The following XRCC1 variants were observed in gnomAD, a reference collection of about 807,000 sequenced individuals.
The protein encoded by XRCC1 is DNA repair protein XRCC1.
A neutral mutation model predicts 83.3 loss-of-function variants in XRCC1; 52 were observed. The observed-to-expected ratio is 0.62, with a 90% CI of 0.50 to 0.79. The LOEUF (loss-of-function observed/expected upper bound fraction) is 0.79. Ranked by LOEUF, XRCC1 falls within the 30% of genes least tolerant of loss-of-function variation. The pLI, the probability that XRCC1 is intolerant of heterozygous loss-of-function variation, is 0.00. For synonymous variants in XRCC1, 281 were observed against 312.6 expected (o/e 0.90, Z 1.07); for missense variants, 793 against 823.5 (o/e 0.96, Z 0.45).
At position 43,553,754 on chromosome 19, in the gene XRCC1, C is replaced by T. The variant is rs1050297397; in HGVS notation, c.415-71G>A. ...AGGCCAGGGCCCAAGACCCTTTTCA[C>T]TCAGGGAAACCTCTTCCTGGCTCCT... is the stretch of plus-strand genomic sequence containing the variant. On this transcript the variant is annotated intron_variant, in intron 4 of 16. Transcript: ENST00000262887. The T allele has an allele frequency of 1.8e-5, 24 of 1,310,564 alleles. No individual in the cohort carries two copies. The African/African-American group carries it at 2.8e-4, about 15-fold the overall frequency. 81.2% of individuals were successfully genotyped at this position (1,310,564 alleles called of 1,614,324 possible).
intron 10 of XRCC1, among the ~76,000 whole-genome samples, chr19:43,548,779 A>AAAAAAAAAAAAAAAAAAAAAAAC (rs1213062759): frequency 8.5e-5 from 12 of 141,732 alleles, no homozygotes; most frequent in South Asian, 2.4e-4. Flanking sequence ...AAAAAAAAAA[A>AAAAAAAAAAAAAAAAAAAAAAAC]AAAAAAACAC....
chr19:43,562,708 G>A (rs1972712753), intron 2 of XRCC1, among the ~76,000 whole-genome samples: 1 of 152,076 alleles, frequency 6.6e-6, no homozygotes, highest in Non-Finnish European at 1.5e-5. Flanking sequence ...TCGCATCACT[G>A]TACTCTGGGC....
Position 43,555,701 on chromosome 19 carries a change from C to G in XRCC1, c.256-897G>C, listed in dbSNP as rs190006585. Among the ~76,000 whole-genome samples the G allele has an allele frequency of 3.9e-5, 6 of 152,228 alleles. No homozygotes were observed. The South Asian group carries it at 1.0e-3, about 26-fold the overall frequency. On this transcript the variant is annotated intron_variant, in intron 3 of 16. Coordinates refer to ENST00000262887, the MANE Select transcript of XRCC1 (RefSeq NM_006297.3). ...CCCTGGGAGTGGTAGCTACTCCCTGCGGTTGCTTCTCCCTCATATCTTAGT... is the reference window on the plus strand; with the variant it reads ...CCCTGGGAGTGGTAGCTACTCCCTGGGGTTGCTTCTCCCTCATATCTTAGT...
At chr19:43,574,173 T>G (rs1316552227) in intron 2 of XRCC1, among the ~76,000 whole-genome samples, 2 of 151,934 alleles carry the variant, frequency 1.3e-5, no homozygotes, top group Non-Finnish European at 2.9e-5. Flanking sequence ...TCTCCTGGGC[T>G]CAAGCAATTC....
intron 2 of XRCC1, among the ~76,000 whole-genome samples, chr19:43,562,401 C>G (rs1271040455): frequency 6.6e-6 from 1 of 151,950 alleles, no homozygotes; most frequent in East Asian, 1.9e-4. Flanking sequence ...TTCAACGTCT[C>G]TGTGAGGCAG....
chr19:43,568,831 C>G (rs991296507), intron 2 of XRCC1, among the ~76,000 whole-genome samples: 1 of 150,540 alleles, frequency 6.6e-6, no homozygotes, highest in African/African-American at 2.4e-5. Context: ...TAGTGTATAC[C>G]CTTTTGCACC....
intron 2 of XRCC1, among the ~76,000 whole-genome samples, chr19:43,565,313 G>T (rs1039905979): frequency 1.3e-5 from 2 of 152,176 alleles, no homozygotes; most frequent in Non-Finnish European, 2.9e-5. Flanking sequence ...AAATAGAAGG[G>T]TCTGTTACGA....
intron 10 of XRCC1, among the ~76,000 whole-genome samples, chr19:43,549,510 C>T (rs1452786349): frequency 6.6e-6 from 1 of 152,182 alleles, no homozygotes; most frequent in Non-Finnish European, 1.5e-5. Flanking sequence ...ATCTGCCCAC[C>T]TTGGCCTCCC....
At chr19:43,552,719 A>T in intron 8 of XRCC1, 78 bp downstream of exon 8, 1 of 1,358,562 alleles carries the variant, frequency 7.4e-7, no homozygotes. Flanking sequence ...CAGATTCAGG[A>T]CAGCAGGCTC....
chr19:43,562,846 T>C (rs1454680695), intron 2 of XRCC1, among the ~76,000 whole-genome samples: 4 of 152,352 alleles, frequency 2.6e-5, no homozygotes, highest in South Asian at 2.1e-4. Context: ...GCGCTCCTGG[T>C]GTGCCAGACT....
intron 1 of XRCC1, 98 bp from the exon 2 acceptor site, chr19:43,575,100 G>T: frequency 1.0e-6 from 1 of 998,940 alleles, no homozygotes; most frequent in Non-Finnish European, 1.6e-6. Context: ...AGGCCTCTAC[G>T]ACCCCCAGAT....
intron 6 of XRCC1, 109 bp downstream of exon 6, chr19:43,553,292 A>G: frequency 7.7e-7 from 1 of 1,303,468 alleles, no homozygotes; most frequent in Non-Finnish European, 1.1e-6. Flanking sequence ...GGACTCCACT[A>G]CCCTCCTCCC....
rs117243650 is a variant in XRCC1, at chr19:43,559,516, A to G, written c.255+1394T>C. On this transcript the variant is annotated intron_variant, in intron 3 of 16. Transcript: ENST00000262887. ...AAAAAAAAAAAAAGATACAGAAAAA[A>G]TAAACCTTATCCCCTGCTTCACACA... 9.0e-3 allele frequency among the ~76,000 whole-genome samples: 1,369 copies of G among 151,448 alleles called. 7 individuals are homozygous for G. Among genetic ancestry groups the G allele is most frequent in the Non-Finnish European group, 0.015 (1,000 of 67,850 alleles).
chr19:43,550,151 T>A (rs1972560657), intron 10 of XRCC1, among the ~76,000 whole-genome samples: 1 of 152,156 alleles, frequency 6.6e-6, no homozygotes, highest in African/African-American at 2.4e-5. Flanking sequence ...GAATTTTGAA[T>A]CTTTCAGGTT....
At chr19:43,569,259 G>C (rs1249911999) in intron 2 of XRCC1, among the ~76,000 whole-genome samples, 1 of 152,076 alleles carries the variant, frequency 6.6e-6, no homozygotes, top group East Asian at 1.9e-4. Flanking sequence ...GAATGCTTGA[G>C]TCCAGGAGTT....
intron 10 of XRCC1, among the ~76,000 whole-genome samples, chr19:43,548,516 G>A (rs1859263707): frequency 6.6e-6 from 1 of 152,086 alleles, no homozygotes; most frequent in South Asian, 2.1e-4. Context: ...GTCCACTCAG[G>A]GTTAAATGGA....
At chr19:43,557,307 C>CAAAAAA (rs33984597) in intron 3 of XRCC1, among the ~76,000 whole-genome samples, 3 of 77,864 alleles carry the variant, frequency 3.9e-5, no homozygotes, top group Non-Finnish European at 7.0e-5. Context: ...GACTCCGTCT[C>CAAAAAA]AAAAAAAAAA....
rs1402710430 is a variant in XRCC1 at position 43,575,484 on chromosome 19, C to G, written c.-26G>C. 1.2e-6 allele frequency: 2 copies of G among 1,611,310 alleles called. No individual in the cohort carries two copies. The highest frequency in any genetic ancestry group is 1.7e-6 in the Non-Finnish European group (2 of 1,178,150). On this transcript the variant is annotated 5_prime_UTR_variant, in exon 1 of 17. Transcript: ENST00000262887. Reference sequence around the variant, plus strand: ...GTCAACGTCGTGGGCTTCGCCTGGCCAGAAGGATGAGGTAGAGTATGGGGT... The same window carrying G: ...GTCAACGTCGTGGGCTTCGCCTGGCGAGAAGGATGAGGTAGAGTATGGGGT...
intron 2 of XRCC1, among the ~76,000 whole-genome samples, chr19:43,564,703 G>A (rs2146065618): frequency 6.6e-6 from 1 of 152,020 alleles, no homozygotes; most frequent in Middle Eastern, 3.4e-3. Flanking sequence ...CAGGAGAATT[G>A]CTTAAACCGG....
Sources: allele counts gnomAD v4.1 joint callset (sites outside exome capture counted in the v4.1 genomes callset), GRCh38; gene constraint gnomAD v4.1.1; transcripts MANE v1.5; gene names NCBI Gene and HGNC (gene_info 2026-07-23, HGNC 2026-07-21).